The following SYCP2L variants were observed in gnomAD, a reference collection of about 807,000 sequenced individuals.
SYCP2L encodes synaptonemal complex protein 2-like.
In SYCP2L, 98 loss-of-function variants were observed where a neutral mutation model predicts 125.8. The observed-to-expected ratio is 0.78, with a 90% CI of 0.66 to 0.92. SYCP2L has a LOEUF of 0.92. Ranked by LOEUF, SYCP2L falls within the 40% of genes least tolerant of loss-of-function variation. SYCP2L has a pLI of 0.00. For missense variants in SYCP2L, 842 were observed against 936.4 expected, an observed-to-expected ratio of 0.90 and a Z score of 1.32; for synonymous variants, 317 against 325.4, an observed-to-expected ratio of 0.97 and a Z score of 0.28.
chr6:10,924,409 C>T, intron 14 of SYCP2L, 87 bp from the exon 15 acceptor site: 1 of 1,101,876 alleles, frequency 9.1e-7, no homozygotes. Flanking sequence ...GGACAAATAC[C>T]CTAGCGTAGT....
At chr6:10,940,322 T>G (rs61346216) in intron 21 of SYCP2L, among the ~76,000 whole-genome samples, 3,820 of 152,226 alleles carry the variant, frequency 0.025, 170 homozygotes, top group East Asian at 0.22. Flanking sequence ...CAATCCCACT[T>G]CCATGTATAT....
rs1251544181 is a variant in SYCP2L, at chr6:10,942,511, AGAT to A, written c.1869_1871del (p.Asp623del). 2.5e-6 allele frequency: 4 copies of A among 1,603,624 alleles called. No individual in the cohort carries two copies. Among genetic ancestry groups the A allele is most frequent in the Non-Finnish European group, 3.4e-6 (4 of 1,176,562 alleles). ...AGCTCTCTTCCTTGAAGCACTCAGA[AGAT>A]GAAGAAAAACCTAAGGTACTATTTA... is the stretch of plus-strand genomic sequence containing the variant. On this transcript the variant is annotated inframe_deletion, in exon 22 of 30. Transcript: ENST00000283141.
intron 29 of SYCP2L, among the ~76,000 whole-genome samples, chr6:10,967,777 C>T (rs956677436): frequency 4.6e-5 from 7 of 152,122 alleles, no homozygotes; most frequent in Admixed American, 6.5e-5. Flanking sequence ...ACAATAATTT[C>T]GGTTCTTTCT....
At chr6:10,895,111 T>C (rs1780235821) in intron 4 of SYCP2L, among the ~76,000 whole-genome samples, 2 of 152,220 alleles carry the variant, frequency 1.3e-5, no homozygotes, top group Non-Finnish European at 2.9e-5. Flanking sequence ...ATGCAAACCG[T>C]ATATATTTCG....
chr6:10,920,928 T>C (rs942369516), intron 14 of SYCP2L, among the ~76,000 whole-genome samples: 1 of 152,142 alleles, frequency 6.6e-6, no homozygotes, highest in Non-Finnish European at 1.5e-5. Context: ...CATAGGTACA[T>C]GTGCAGGATG....
At chr6:10,931,040 G>A (rs1347437263) in intron 19 of SYCP2L, among the ~76,000 whole-genome samples, 1 of 152,180 alleles carries the variant, frequency 6.6e-6, no homozygotes, top group Non-Finnish European at 1.5e-5. Context: ...GCATGGTGGT[G>A]TGCGCCTGTG....
chr6:10,929,349 G>T (rs1581830897), intron 18 of SYCP2L, among the ~76,000 whole-genome samples: 1 of 152,290 alleles, frequency 6.6e-6, no homozygotes, highest in East Asian at 1.9e-4. Context: ...AAATGAGAAT[G>T]AACTATTAGC....
At position 10,891,611 on chromosome 6, in the gene SYCP2L, CTCTGTGTGT is replaced by C; in HGVS notation, c.78+31_78+39del. 2 of 129,914 alleles carry C rather than the reference CTCTGTGTGT, an allele frequency of 1.5e-5. 1 individual carries two copies. Among genetic ancestry groups the C allele is most frequent in the South Asian group, 7.5e-4 (2 of 2,666 alleles). 8.0% of individuals were successfully genotyped at this position (129,914 alleles called of 1,614,324 possible). A position where few individuals can be genotyped will look rare whatever the true frequency, so the allele number is the denominator to read the frequency against. On this transcript the variant is annotated intron_variant, in intron 2 of 29. Coordinates refer to ENST00000283141, the MANE Select transcript of SYCP2L (RefSeq NM_001040274.3). ...AGATCAAGTTTCTTTTATAATCTCT[CTCTGTGTGT>C]GTGTGTGTGTGTGTGTGTGTGTGTG... is the stretch of plus-strand genomic sequence containing the variant.
chr6:10,931,461 G>A lies in SYCP2L; in HGVS notation c.1655G>A (p.Ser552Asn), dbSNP rs781415467. 3 of 1,614,126 alleles carry A rather than the reference G, an allele frequency of 1.9e-6. No homozygotes were observed. In the East Asian group the frequency reaches 6.7e-5, roughly 36 times the overall value. The change falls in exon 20 of 30, where the codon AGT becomes AAT. Residue 552 changes from serine (S) to asparagine (N), a missense_variant. Transcript: ENST00000283141. ...TTAGTCTTGCCAGTTTTCCCTCCCA[G>A]TAGTGGCAGTGGCCATGAGAAAGAC... ...NLRILPVFPP[S>N]SGSGHEKDQA...
intron 1 of SYCP2L, among the ~76,000 whole-genome samples, chr6:10,890,927 G>T (rs548283260): frequency 6.6e-6 from 1 of 152,254 alleles, no homozygotes; most frequent in Admixed American, 6.5e-5. Flanking sequence ...ACCAGTTATT[G>T]AAGAGACTGT....
At position 10,913,553 on chromosome 6, in the gene SYCP2L, A is replaced by G. The variant is rs924093589; in HGVS notation, c.1072+626A>G. Among the ~76,000 whole-genome samples the G allele has an allele frequency of 2.7e-5, 4 of 149,720 alleles. 1 individual carries two copies. In the East Asian group the frequency reaches 7.8e-4, roughly 29 times the overall value. ...AATTGTCTATTCATGTCCTTACCCC[A>G]CTTTTGGATGGGATTTTTTTTTTCT... On this transcript the variant is annotated intron_variant, in intron 14 of 29. Coordinates refer to ENST00000283141, the MANE Select transcript of SYCP2L (RefSeq NM_001040274.3).
intron 25 of SYCP2L, among the ~76,000 whole-genome samples, chr6:10,958,239 G>T (rs9368506): frequency 0.19 from 29,207 of 151,886 alleles, 3,485 homozygotes; most frequent in South Asian, 0.27. Flanking sequence ...GGTTTAATTA[G>T]CTCAAGGTTC....
chr6:10,930,280 C>T (rs1332138327), intron 18 of SYCP2L, 90 bp from the exon 19 acceptor site: 5 of 1,391,238 alleles, frequency 3.6e-6, no homozygotes, highest in Non-Finnish European at 4.9e-6. Flanking sequence ...GGGTACTTCT[C>T]TTATCTCTAG....
At chr6:10,920,839 T>C (rs191821500) in intron 14 of SYCP2L, among the ~76,000 whole-genome samples, 6 of 151,982 alleles carry the variant, frequency 3.9e-5, no homozygotes, top group African/African-American at 9.7e-5. Context: ...TTTTTTTTTT[T>C]CTTCAACTTT....
In SYCP2L at chr6:10,919,690, T is replaced by C. The variant is rs146558728; in HGVS notation, c.1073-4806T>C. Among the ~76,000 whole-genome samples the C allele has an allele frequency of 1.4e-3, 208 of 152,164 alleles. 2 individuals carry two copies. Among genetic ancestry groups the C allele is most frequent in the East Asian group, 8.3e-3 (43 of 5,168 alleles). ...TACCAGGATAGGTAGGGAAGGATCA[T>C]TGGGTGGGGGCAGGATTAGGAGTGT... On this transcript the variant is annotated intron_variant, in intron 14 of 29. Coordinates refer to ENST00000283141, the MANE Select transcript of SYCP2L (RefSeq NM_001040274.3).
intron 14 of SYCP2L, among the ~76,000 whole-genome samples, chr6:10,923,032 C>T (rs146940707): frequency 1.5e-3 from 224 of 151,990 alleles, no homozygotes; most frequent in Non-Finnish European, 2.6e-3. Flanking sequence ...CTTCATAATC[C>T]GATGCGTATT....
At chr6:10,970,335 T>C (rs980369618) in intron 29 of SYCP2L, among the ~76,000 whole-genome samples, 2 of 152,070 alleles carry the variant, frequency 1.3e-5, no homozygotes, top group South Asian at 4.2e-4. Context: ...AAGGGTAGAG[T>C]ACATAAGATG....
In SYCP2L at chr6:10,893,920, A is replaced by G; in HGVS notation, c.132A>G (p.Lys44=). ...ATGATAAAGGATTTCAGAAAATAAAAGAATACTTTCAACAGAAAGAGAGCC... is the reference window on the plus strand; with the variant it reads ...ATGATAAAGGATTTCAGAAAATAAAGGAATACTTTCAACAGAAAGAGAGCC... The part of the protein sequence containing the change: ...AFHDKGFQKI[K]EYFQQKESHF... Residue 44 remains lysine, a synonymous_variant, in exon 3 of 30, where the codon AAA becomes AAG. Coordinates refer to ENST00000283141, the MANE Select transcript of SYCP2L (RefSeq NM_001040274.3). 6.2e-7 allele frequency: 1 copy of G among 1,612,914 alleles called. No individual in the cohort carries two copies. Among genetic ancestry groups the G allele is most frequent in the Non-Finnish European group, 8.5e-7 (1 of 1,179,616 alleles).
At chr6:10,930,209 T>C in intron 18 of SYCP2L, 161 bp from the exon 19 acceptor site, 1 of 641,238 alleles carries the variant, frequency 1.6e-6, no homozygotes, top group Non-Finnish European at 2.5e-6. Context: ...GGAATAATCC[T>C]TTTCTTCCAC....
Sources: gnomAD v4.1 joint callset for allele counts (sites outside exome capture counted in the v4.1 genomes callset) on GRCh38, gnomAD v4.1.1 for gene constraint, MANE v1.5 for transcripts, NCBI Gene and HGNC (gene_info 2026-07-23, HGNC 2026-07-21) for gene names.